Variants in CCDC178 observed in about 807,000 individuals in gnomAD.
CCDC178 encodes the protein coiled-coil domain-containing protein 178.
A neutral mutation model predicts 117.4 loss-of-function variants in CCDC178; 126 were observed. The observed-to-expected ratio is 1.07, with a 90% CI of 0.93 to 1.24. The LOEUF (loss-of-function observed/expected upper bound fraction) is 1.24. CCDC178 is among the 50% of genes most tolerant of loss of function. CCDC178 has a pLI of 0.00. For synonymous variants in CCDC178, 283 were observed against 313.4 expected (o/e 0.90, Z 1.02); for missense variants, 1,030 against 986.9 (o/e 1.04, Z -0.59).
At chr18:33,099,145 T>A (rs1408018864) in intron 20 of CCDC178, among the ~76,000 whole-genome samples, 1 of 152,106 alleles carries the variant, frequency 6.6e-6, no homozygotes, top group Non-Finnish European at 1.5e-5. Context: ...TAGATAAGGT[T>A]AAATGTTCTG....
intron 14 of CCDC178, among the ~76,000 whole-genome samples, chr18:33,258,935 C>T (rs1478632741): frequency 6.6e-6 from 1 of 152,004 alleles, no homozygotes; most frequent in African/African-American, 2.4e-5. Context: ...ACGTAGTATA[C>T]TACAAATGAA....
chr18:33,187,086 G>GGAGAGAGAGAGAGAGAGAGAGA (rs58400297), intron 20 of CCDC178, among the ~76,000 whole-genome samples: 4 of 140,106 alleles, frequency 2.9e-5, no homozygotes, highest in African/African-American at 8.9e-5. Context: ...CATGGCGGCA[G>GGAGAGAGAGAGAGAGAGAGAGA]GAGAGAGAGA....
chr18:33,237,206 A>G (rs2059435005), intron 15 of CCDC178, among the ~76,000 whole-genome samples: 1 of 152,046 alleles, frequency 6.6e-6, no homozygotes, highest in Non-Finnish European at 1.5e-5. Flanking sequence ...TACACTCTAC[A>G]ACCCTAGCTG....
chr18:33,203,925 C>A (rs938304501), intron 20 of CCDC178, among the ~76,000 whole-genome samples: 1 of 152,078 alleles, frequency 6.6e-6, no homozygotes, highest in Non-Finnish European at 1.5e-5. Flanking sequence ...CTCTATCCAA[C>A]GTGGATTTTC....
intron 20 of CCDC178, among the ~76,000 whole-genome samples, chr18:33,126,747 C>T (rs2058009343): frequency 6.6e-6 from 1 of 151,912 alleles, no homozygotes; most frequent in African/African-American, 2.4e-5. Flanking sequence ...CAACCTCTGC[C>T]TCCTGGGTTT....
At chr18:33,324,089 G>C (rs2062553997) in intron 10 of CCDC178, among the ~76,000 whole-genome samples, 1 of 151,660 alleles carries the variant, frequency 6.6e-6, no homozygotes, top group Non-Finnish European at 1.5e-5. Flanking sequence ...AAAATATTCA[G>C]TTTTTACTCT....
chr18:33,139,116 A>T (rs271495), intron 20 of CCDC178, among the ~76,000 whole-genome samples: 24,446 of 152,040 alleles, frequency 0.16, 2,738 homozygotes, highest in African/African-American at 0.32. Flanking sequence ...AAAACGGGAG[A>T]TTCCATGCAC....
intron 20 of CCDC178, among the ~76,000 whole-genome samples, chr18:33,156,533 A>G (rs928293896): frequency 6.6e-6 from 1 of 150,980 alleles, no homozygotes; most frequent in Admixed American, 6.6e-5. Flanking sequence ...TTAATTCTGC[A>G]TGACACTTCT....
Position 33,320,437 on chromosome 18 carries a change from T to C in CCDC178, c.1022+3054A>G, listed in dbSNP as rs1235148908. Among the ~76,000 whole-genome samples, 6 of 152,154 alleles carry C rather than the reference T, an allele frequency of 3.9e-5. 1 individual carries two copies. Among genetic ancestry groups the C allele is most frequent in the Admixed American group, 3.9e-4 (6 of 15,270 alleles). On this transcript the variant is annotated intron_variant, in intron 11 of 22. Coordinates refer to ENST00000383096, the MANE Select transcript of CCDC178 (RefSeq NM_001105528.4). ...AATGTACAAAAATCACAAGCATTCT[T>C]ATACACCAATAACAGACAAACAGAG...
chr18:33,094,972 G>A (rs1157925487), intron 20 of CCDC178, among the ~76,000 whole-genome samples: 6 of 151,922 alleles, frequency 3.9e-5, no homozygotes, highest in Admixed American at 3.9e-4. Flanking sequence ...ATTCGACACT[G>A]AAAATGTTTA....
intron 12 of CCDC178, among the ~76,000 whole-genome samples, chr18:33,274,646 G>T (rs939010587): frequency 6.6e-6 from 1 of 151,934 alleles, no homozygotes; most frequent in East Asian, 1.9e-4. Context: ...CTTGCCTCAG[G>T]TAGCTCAGAT....
intron 22 of CCDC178, among the ~76,000 whole-genome samples, chr18:32,950,604 G>T (rs1179989854): frequency 6.6e-6 from 1 of 152,082 alleles, no homozygotes; most frequent in Admixed American, 6.5e-5. Flanking sequence ...TTACCCAAGA[G>T]TTTCCAACAG....
chr18:33,014,639 T>C (rs1048953391), intron 21 of CCDC178, among the ~76,000 whole-genome samples: 1 of 151,842 alleles, frequency 6.6e-6, no homozygotes, highest in African/African-American at 2.4e-5. Flanking sequence ...TATTGTTTTA[T>C]GTATGTATAA....
chr18:33,223,363 C>T, intron 17 of CCDC178, 144 bp from the exon 18 acceptor site: 4 of 943,896 alleles, frequency 4.2e-6, no homozygotes, highest in Non-Finnish European at 5.7e-6. Context: ...ACATAAATTA[C>T]AGAAATATAC....
rs1426288113 is a variant in CCDC178, at chr18:33,222,928, A to G, written c.1932+178T>C. On this transcript the variant is annotated intron_variant, in intron 18 of 22. Transcript: ENST00000383096. ...CAGTGAGGAAGATACTGCAAGAGAA[A>G]GTAAATGAAAACACAAGGACTGTGT... 2.6e-5 allele frequency among the ~76,000 whole-genome samples: 4 copies of G among 152,202 alleles called. 1 individual carries two copies. Among genetic ancestry groups the G allele is most frequent in the Middle Eastern group, 3.4e-3 (1 of 294 alleles).
chr18:33,097,179 T>C (rs1332355959), intron 20 of CCDC178, among the ~76,000 whole-genome samples: 1 of 152,098 alleles, frequency 6.6e-6, no homozygotes, highest in Non-Finnish European at 1.5e-5. Context: ...GCTTATATAA[T>C]AGAAAGCATA....
intron 20 of CCDC178, among the ~76,000 whole-genome samples, chr18:33,140,072 G>A (rs2058181481): frequency 2.0e-5 from 3 of 152,220 alleles, no homozygotes; most frequent in Admixed American, 1.3e-4. Flanking sequence ...CAGCTTCCAT[G>A]TGGTGTTGAC....
chr18:33,293,888 T>C (rs1473744275), intron 11 of CCDC178, among the ~76,000 whole-genome samples: 1 of 152,104 alleles, frequency 6.6e-6, no homozygotes, highest in African/African-American at 2.4e-5. Flanking sequence ...ATAAACTGTC[T>C]TTGAATCTGA....
chr18:33,342,712 G>A (rs1329981194), intron 9 of CCDC178, among the ~76,000 whole-genome samples: 1 of 152,180 alleles, frequency 6.6e-6, no homozygotes, highest in Non-Finnish European at 1.5e-5. Flanking sequence ...TGGATCTGCG[G>A]CCTGAAGAAG....
Sources: gnomAD v4.1 joint callset for allele counts (sites outside exome capture counted in the v4.1 genomes callset) on GRCh38, gnomAD v4.1.1 for gene constraint, MANE v1.5 for transcripts, NCBI Gene and HGNC (gene_info 2026-07-23, HGNC 2026-07-21) for gene names.